The following CACHD1 variants were observed in gnomAD, a reference collection of about 807,000 sequenced individuals.
The protein encoded by CACHD1 is VWFA and cache domain-containing protein 1.
CACHD1 carries 71 observed loss-of-function variants against 138.7 expected under a neutral mutation model. The observed-to-expected ratio is 0.51, with a 90% confidence interval of 0.42 to 0.62. The LOEUF is 0.62. CACHD1 is among the 20% of genes least tolerant of loss of function. The pLI is 0.00. For synonymous variants in CACHD1, 578 were observed against 591.5 expected, an observed-to-expected ratio of 0.98 and a Z score of 0.33; for missense variants, 1,389 against 1,625.3, an observed-to-expected ratio of 0.85 and a Z score of 2.50.
intron 8 of CACHD1, among the ~76,000 whole-genome samples, chr1:64,645,580 G>A (rs370615225): frequency 1.6e-4 from 25 of 152,302 alleles, no homozygotes; most frequent in African/African-American, 6.0e-4. Flanking sequence ...GACCCAAGAT[G>A]GGGAGGTGAC....
chr1:64,543,983 C>T (rs890904848), intron 1 of CACHD1, among the ~76,000 whole-genome samples: 2 of 150,712 alleles, frequency 1.3e-5, no homozygotes, highest in Non-Finnish European at 2.9e-5. Flanking sequence ...CCACACCCAG[C>T]CCCATGATTT....
intron 1 of CACHD1, among the ~76,000 whole-genome samples, chr1:64,488,710 A>C (rs983089650): frequency 6.6e-6 from 1 of 152,262 alleles, no homozygotes; most frequent in Non-Finnish European, 1.5e-5. Context: ...TCATCACATT[A>C]GAATTCTATA....
At chr1:64,633,527 G>A (rs1648389187) in intron 6 of CACHD1, among the ~76,000 whole-genome samples, 1 of 152,174 alleles carries the variant, frequency 6.6e-6, no homozygotes, top group Non-Finnish European at 1.5e-5. Flanking sequence ...AGGAAGAAGG[G>A]AAAGCCGCTA....
chr1:64,619,660 A>G (rs1647837425), intron 4 of CACHD1, among the ~76,000 whole-genome samples: 1 of 152,170 alleles, frequency 6.6e-6, no homozygotes, highest in Admixed American at 6.5e-5. Flanking sequence ...CCTCATCTGT[A>G]TTCTAACTGC....
intron 26 of CACHD1, among the ~76,000 whole-genome samples, chr1:64,682,543 C>A (rs997089572): frequency 6.6e-6 from 1 of 152,060 alleles, no homozygotes; most frequent in Non-Finnish European, 1.5e-5. Context: ...ACCAAAGAAG[C>A]AAGAAGCAAC....
chr1:64,688,554 C>T (rs753224504), intron 26 of CACHD1, among the ~76,000 whole-genome samples: 1 of 152,146 alleles, frequency 6.6e-6, no homozygotes, highest in African/African-American at 2.4e-5. Flanking sequence ...ACAGTCCACA[C>T]ACTGCGACTG....
intron 4 of CACHD1, among the ~76,000 whole-genome samples, chr1:64,626,860 G>A (rs1369502317): frequency 6.6e-6 from 1 of 152,104 alleles, no homozygotes; most frequent in Non-Finnish European, 1.5e-5. Flanking sequence ...CTCTTAATCA[G>A]ATACTGTGAT....
chr1:64,505,300 C>T (rs1193747696), intron 1 of CACHD1, among the ~76,000 whole-genome samples: 1 of 152,010 alleles, frequency 6.6e-6, no homozygotes, highest in Non-Finnish European at 1.5e-5. Context: ...CCTGCTCAGC[C>T]CCGGGAGCCA....
intron 1 of CACHD1, among the ~76,000 whole-genome samples, chr1:64,482,809 C>CTA (rs1405405829): frequency 6.6e-6 from 1 of 152,078 alleles, no homozygotes; most frequent in Non-Finnish European, 1.5e-5. Flanking sequence ...ATTCAGATAA[C>CTA]AAATGTAGGC....
chr1:64,579,034 G>A (rs933739358), intron 2 of CACHD1, among the ~76,000 whole-genome samples: 5 of 152,116 alleles, frequency 3.3e-5, no homozygotes, highest in African/African-American at 1.2e-4. Context: ...TCCATCTGGG[G>A]ATAAATTAGG....
chr1:64,482,368 G>T (rs1646216117), intron 1 of CACHD1, among the ~76,000 whole-genome samples: 1 of 152,104 alleles, frequency 6.6e-6, no homozygotes, highest in Admixed American at 6.5e-5. Context: ...TCTCATGACA[G>T]CCCAAAGACA....
Position 64,476,104 on chromosome 1 carries a change from A to AAGC in CACHD1, c.198+5190_198+5192dup, listed in dbSNP as rs57837863. 9.7e-3 allele frequency among the ~76,000 whole-genome samples: 1,470 copies of AAGC among 151,132 alleles called. 16 individuals are homozygous for AAGC. Among genetic ancestry groups the AAGC allele is most frequent in the African/African-American group, 0.025 (1,022 of 41,318 alleles). The stretch of plus-strand genomic sequence containing the variant: ...CACACACACAGGCCAGTCCTGAAGG[A>AAGC]AGCAGCAGCAGCAGCAGCAGCAGCA... On this transcript the variant is annotated intron_variant, in intron 1 of 26. Coordinates refer to ENST00000651257, the MANE Select transcript of CACHD1 (RefSeq NM_020925.4).
At chr1:64,498,562 GA>G (rs1646319871) in intron 1 of CACHD1, among the ~76,000 whole-genome samples, 1 of 152,208 alleles carries the variant, frequency 6.6e-6, no homozygotes, top group African/African-American at 2.4e-5. Flanking sequence ...GGGCCTAGAT[GA>G]AAAGCTCAGT....
At position 64,654,781 on chromosome 1, in the gene CACHD1, A is replaced by G. The variant is rs768696497; in HGVS notation, c.1760A>G (p.Asn587Ser). Residue 587 changes from asparagine to serine, a missense_variant, in exon 12 of 27, where the codon AAT becomes AGT. By Grantham distance (46) the Asn-to-Ser change is conservative. Around this residue, in one of 5 missense-constraint regions of CACHD1, gnomAD observed 1,000 missense variants for 1,114.7 expected, o/e 0.90. Transcript: ENST00000651257. The part of the protein sequence containing the change: ...KLRETGKEAY[N>S]VSYAWKMVQD... The stretch of plus-strand genomic sequence containing the variant: ...AGAGAAACTGGAAAGGAAGCCTACA[A>G]TGTTAGCTATGCCTGGAAGATGGTG... 4 of 1,612,110 alleles carry G rather than the reference A, an allele frequency of 2.5e-6. No homozygotes were observed. In the East Asian group the frequency reaches 6.7e-5, roughly 27 times the overall value.
At chr1:64,666,442 T>C (rs950745160) in intron 16 of CACHD1, among the ~76,000 whole-genome samples, 66 of 152,184 alleles carry the variant, frequency 4.3e-4, no homozygotes, top group African/African-American at 1.4e-3. Context: ...GCCATGATGA[T>C]GTTTATGAAA....
intron 4 of CACHD1, among the ~76,000 whole-genome samples, chr1:64,606,490 C>T (rs1014944517): frequency 6.6e-6 from 1 of 151,976 alleles, no homozygotes; most frequent in Admixed American, 6.6e-5. Flanking sequence ...AGTCGGGGGC[C>T]AGGTCACCAA....
At chr1:64,635,674 C>T (rs1405698596) in intron 7 of CACHD1, among the ~76,000 whole-genome samples, 1 of 151,652 alleles carries the variant, frequency 6.6e-6, no homozygotes, top group Admixed American at 6.6e-5. Flanking sequence ...AGCCACCACG[C>T]CTGGCCTCTA....
intron 22 of CACHD1, among the ~76,000 whole-genome samples, chr1:64,677,274 G>A (rs995662697): frequency 2.0e-5 from 3 of 152,166 alleles, no homozygotes; most frequent in Admixed American, 2.0e-4. Flanking sequence ...AGCAGGGCAA[G>A]GGAGGAGGAA....
chr1:64,616,469 G>C (rs1003159041), intron 4 of CACHD1, among the ~76,000 whole-genome samples: 2 of 152,200 alleles, frequency 1.3e-5, no homozygotes, highest in Non-Finnish European at 2.9e-5. Flanking sequence ...TCTGAGCTGG[G>C]TCTTTTAAAA....
Sources: allele counts gnomAD v4.1 joint callset (sites outside exome capture counted in the v4.1 genomes callset), GRCh38; gene constraint gnomAD v4.1.1; regional missense constraint gnomAD v4.1.1; transcripts MANE v1.5; gene names NCBI Gene and HGNC (gene_info 2026-07-23, HGNC 2026-07-21).